EPSTI1: variants seen among roughly 807,000 people sequenced by gnomAD.
EPSTI1 encodes epithelial-stromal interaction protein 1.
In EPSTI1, 66 loss-of-function variants were observed where a neutral mutation model predicts 49.9. The observed-to-expected ratio is 1.32, with a 90% CI of 1.08 to 1.62. EPSTI1 has a LOEUF of 1.62. EPSTI1 is among the 40% of genes most tolerant of loss of function. The pLI, the probability that EPSTI1 is intolerant of heterozygous loss-of-function variation, is 0.00. For missense variants in EPSTI1, 394 were observed against 365.5 expected (o/e 1.08, Z -0.64); for synonymous variants, 137 against 130.7 (o/e 1.05, Z -0.33).
intron 1 of EPSTI1, among the ~76,000 whole-genome samples, chr13:42,971,615 A>G (rs35704142): frequency 0.64 from 97,344 of 151,596 alleles, 31,301 homozygotes; most frequent in Middle Eastern, 0.83. Flanking sequence ...TTTAAGAGGG[A>G]GGGAAAAAAC....
chr13:42,978,195 A>G (rs1233322635), intron 1 of EPSTI1, among the ~76,000 whole-genome samples: 1 of 151,964 alleles, frequency 6.6e-6, no homozygotes, highest in Admixed American at 6.6e-5. Context: ...TTGAGGACGC[A>G]CCCATGACAC....
rs1205701012 is a variant in EPSTI1 at position 42,896,073 on chromosome 13, G to GGCTGGA, written c.816-971_816-966dup. Among the ~76,000 whole-genome samples, 13 of 152,308 alleles carry GGCTGGA rather than the reference G, an allele frequency of 8.5e-5. No individual in the cohort carries two copies. In the South Asian group the frequency reaches 2.5e-3, roughly 29 times the overall value. ...ATAAAGGCTGGGTAGCAAAGTGAAA[G>GGCTGGA]GCTGGAGGGGGTTTCTGGCTGTCTG... On this transcript the variant is annotated intron_variant, in intron 9 of 10. Transcript: ENST00000313624.
chr13:42,976,568 C>G (rs1172816036), intron 1 of EPSTI1, among the ~76,000 whole-genome samples: 2 of 152,074 alleles, frequency 1.3e-5, no homozygotes, highest in African/African-American at 4.8e-5. Context: ...TATATATTTT[C>G]TCTTCCCATT....
In EPSTI1 at chr13:42,954,033, A is replaced by C; in HGVS notation, c.490-12T>G. The C allele has an allele frequency of 6.2e-7, 1 of 1,605,278 alleles. No homozygotes were observed. The highest frequency in any genetic ancestry group is 8.5e-7 in the Non-Finnish European group (1 of 1,175,556). Reference sequence around the variant, plus strand: ...TCCAGTTTATTGCTCTGAAATTGCAAATATCAAAACATAACTTATTAAAGA... The same window carrying C: ...TCCAGTTTATTGCTCTGAAATTGCACATATCAAAACATAACTTATTAAAGA... On this transcript the variant is annotated splice_polypyrimidine_tract_variant and intron_variant, in intron 5 of 10. Coordinates refer to ENST00000313624, the MANE Select transcript of EPSTI1 (RefSeq NM_033255.5).
At chr13:42,964,866 T>C (rs2039560755) in intron 3 of EPSTI1, among the ~76,000 whole-genome samples, 1 of 152,218 alleles carries the variant, frequency 6.6e-6, no homozygotes, top group Non-Finnish European at 1.5e-5. Context: ...TTATGCAAGC[T>C]TGGTGTGCGT....
Position 42,887,951 on chromosome 13 carries a change from A to G in EPSTI1, c.*543T>C. Reference sequence around the variant, plus strand: ...AGACCCTTCAAGAGAGAAAACCCCAATAACTTTTCATTAAAAATAAAAATG... The same window carrying G: ...AGACCCTTCAAGAGAGAAAACCCCAGTAACTTTTCATTAAAAATAAAAATG... On this transcript the variant is annotated 3_prime_UTR_variant, in exon 11 of 11. Transcript: ENST00000313624. 2 of 205,698 alleles carry G rather than the reference A, an allele frequency of 9.7e-6. No homozygotes were observed. Among genetic ancestry groups the G allele is most frequent in the Non-Finnish European group, 1.9e-5 (2 of 103,538 alleles). The allele number at this position is 205,698 out of a possible 1,614,324, so 12.7% of individuals were successfully genotyped here. A position where few individuals can be genotyped will look rare whatever the true frequency, so the allele number is the denominator to read the frequency against.
Position 42,888,341 on chromosome 13 carries a change from A to C in EPSTI1, c.*153T>G, listed in dbSNP as rs2036923273. 6.2e-7 allele frequency: 1 copy of C among 1,614,078 alleles called. No individual in the cohort carries two copies. The highest frequency in any genetic ancestry group is 1.3e-5 in the African/African-American group (1 of 74,948). On this transcript the variant is annotated 3_prime_UTR_variant, in exon 11 of 11. Coordinates refer to ENST00000313624, the MANE Select transcript of EPSTI1 (RefSeq NM_033255.5). ...CAAACATGCATAAATGAGGACAAGG[A>C]GAAGCCAGTCACTCCTGACTGCACG... is the stretch of plus-strand genomic sequence containing the variant.
intron 6 of EPSTI1, among the ~76,000 whole-genome samples, chr13:42,947,487 G>T (rs770138703): frequency 1.3e-5 from 2 of 152,162 alleles, no homozygotes; most frequent in Non-Finnish European, 2.9e-5. Flanking sequence ...TTGTGGACAT[G>T]TCATCCCTGA....
At chr13:42,971,586 C>T (rs910460470) in intron 1 of EPSTI1, among the ~76,000 whole-genome samples, 1 of 148,482 alleles carries the variant, frequency 6.7e-6, no homozygotes, top group African/African-American at 2.5e-5. Flanking sequence ...ATAAACACAA[C>T]CAGCTTCTAA....
intron 8 of EPSTI1, among the ~76,000 whole-genome samples, chr13:42,908,166 C>T (rs1035621630): frequency 4.6e-5 from 7 of 152,104 alleles, no homozygotes; most frequent in Non-Finnish European, 1.5e-5. Context: ...AAATGTAAAA[C>T]CTGAAACTAG....
At chr13:42,895,598 G>A (rs1193067046) in intron 9 of EPSTI1, among the ~76,000 whole-genome samples, 2 of 152,206 alleles carry the variant, frequency 1.3e-5, no homozygotes, top group Non-Finnish European at 2.9e-5. Context: ...AGCAGAAATG[G>A]AAGGTGAGCT....
In EPSTI1 at chr13:42,888,207, C is replaced by G; in HGVS notation, c.*287G>C. The G allele has an allele frequency of 1.2e-6, 2 of 1,602,052 alleles. No individual in the cohort carries two copies. Among genetic ancestry groups the G allele is most frequent in the Non-Finnish European group, 1.7e-6 (2 of 1,172,502 alleles). ...TAACCTGAAAGCATCAAGTGACTCC[C>G]TCTTTTTCTACCCTACCAACATCAC... On this transcript the variant is annotated 3_prime_UTR_variant, in exon 11 of 11. Coordinates refer to ENST00000313624, the MANE Select transcript of EPSTI1 (RefSeq NM_033255.5).
intron 9 of EPSTI1, among the ~76,000 whole-genome samples, chr13:42,897,847 C>A (rs2037240443): frequency 6.6e-6 from 1 of 152,174 alleles, no homozygotes; most frequent in Non-Finnish European, 1.5e-5. Flanking sequence ...GAACCAATTT[C>A]TATTTTTGTT....
chr13:42,991,696 G>T (rs969380275), intron 1 of EPSTI1, among the ~76,000 whole-genome samples: 1 of 152,160 alleles, frequency 6.6e-6, no homozygotes. Flanking sequence ...AGGCAGTTCC[G>T]ACACACCCAT....
chr13:42,966,765 C>T (rs1257419290), intron 3 of EPSTI1, among the ~76,000 whole-genome samples: 1 of 90,236 alleles, frequency 1.1e-5, no homozygotes, highest in African/African-American at 3.4e-5. Flanking sequence ...GCCACCACCC[C>T]GTCTGGGAGG....
At chr13:42,897,317 G>A (rs189919085) in intron 9 of EPSTI1, among the ~76,000 whole-genome samples, 170 of 152,142 alleles carry the variant, frequency 1.1e-3, no homozygotes, top group Non-Finnish European at 2.0e-3. Context: ...CTTCTTTAAC[G>A]TCACCTTGTG....
intron 7 of EPSTI1, chr13:42,919,288 A>T (rs2037926744): frequency 6.2e-7 from 1 of 1,613,406 alleles, no homozygotes; most frequent in African/African-American, 1.3e-5. Context: ...TGCAATCCTA[A>T]TGTTTGCTTA....
chr13:42,970,665 C>G lies in EPSTI1; in HGVS notation c.194G>C (p.Ser65Thr), dbSNP rs1310745434. The change falls in exon 2 of 11, where the codon AGT becomes ACT. Residue 65 changes from serine (S) to threonine (T), a missense_variant. Coordinates refer to ENST00000313624, the MANE Select transcript of EPSTI1 (RefSeq NM_033255.5). The stretch of plus-strand genomic sequence containing the variant: ...ATTTGGTGCTATCAAGGTGTATGCA[C>G]TTGTGCTAAAAGGAAGAGAAAAAAA... ...SVVHAGQRRTSAYTLIAPNIN... is the reference protein window; with the variant it reads ...SVVHAGQRRTTAYTLIAPNIN... 5 of 1,602,750 alleles carry G rather than the reference C, an allele frequency of 3.1e-6. No homozygotes were observed. Among genetic ancestry groups the G allele is most frequent in the Non-Finnish European group, 4.2e-6 (5 of 1,176,836 alleles).
intron 8 of EPSTI1, among the ~76,000 whole-genome samples, chr13:42,911,256 TGTGTGTGTGCGCGCGCACGCGCGCACAC>T (rs1231962453): frequency 9.7e-5 from 12 of 124,346 alleles, no homozygotes; most frequent in African/African-American, 3.3e-4. Flanking sequence ...TGTGTGTGTG[TGTGTGTGTGCGCGCGCACGCGCGCACAC>T]GTGTGTGAGT....
Sources: gnomAD v4.1 joint callset for allele counts (sites outside exome capture counted in the v4.1 genomes callset) on GRCh38, gnomAD v4.1.1 for gene constraint, MANE v1.5 for transcripts, NCBI Gene and HGNC (gene_info 2026-07-23, HGNC 2026-07-21) for gene names.